ATG9A: variants seen among roughly 807,000 people sequenced by gnomAD.
ATG9A encodes autophagy-related protein 9A.
Under a neutral mutation model 87.1 loss-of-function variants are expected in ATG9A, and 21 were observed. The observed-to-expected ratio is 0.24, with a 90% CI of 0.17 to 0.35. The LOEUF (loss-of-function observed/expected upper bound fraction) is 0.35. Ranked by LOEUF, ATG9A falls within the 10% of genes least tolerant of loss-of-function variation. The probability of loss-of-function intolerance (pLI) is 1.00; values close to 1 mark genes in which losing one functional copy is unlikely to be tolerated. For synonymous variants in ATG9A, 422 were observed against 441.3 expected (o/e 0.96, Z 0.55); for missense variants, 836 against 1,107.3 (o/e 0.76, Z 3.48).
At chr2:219,227,461 G>A (rs12469377) in intron 4 of ATG9A, among the ~76,000 whole-genome samples, 4,290 of 152,152 alleles carry the variant, frequency 0.028, 209 homozygotes, top group African/African-American at 0.098. Flanking sequence ...AGGTTGCAGT[G>A]TGTTGAGATC....
intron 15 of ATG9A, 91 bp downstream of exon 15, chr2:219,220,656 G>C: frequency 6.5e-7 from 1 of 1,527,976 alleles, no homozygotes; most frequent in Non-Finnish European, 8.9e-7. Context: ...CTGTGTGGGG[G>C]TGGGGCATAT....
chr2:219,224,100 G>C lies in ATG9A; in HGVS notation c.1265+6C>G. On this transcript the variant is annotated splice_donor_region_variant and intron_variant, in intron 8 of 15. Coordinates refer to ENST00000361242, the MANE Select transcript of ATG9A (RefSeq NM_001077198.3). This position sits in a 1 kb window ranked among gnomAD's most constrained non-coding sequence, Gnocchi z 7.7. ...CGGCTTGCTCCCGCCTGTGGCCCTG[G>C]CCCACCTGCACACGGTCACGGTGAC... The C allele has an allele frequency of 6.2e-7, 1 of 1,611,326 alleles. No individual in the cohort carries two copies. The highest frequency in any genetic ancestry group is 1.7e-4 in the Middle Eastern group (1 of 6,050).
intron 15 of ATG9A, 144 bp from the exon 16 acceptor site, chr2:219,220,596 A>G: frequency 2.0e-6 from 3 of 1,481,200 alleles, no homozygotes; most frequent in Non-Finnish European, 2.8e-6. Context: ...CCTGCAGAGC[A>G]GTTGAGAAAA....
chr2:219,222,951 C>T lies in ATG9A; in HGVS notation c.1600-58G>A. On this transcript the variant is annotated intron_variant, in intron 10 of 15. Coordinates refer to ENST00000361242, the MANE Select transcript of ATG9A (RefSeq NM_001077198.3). The surrounding 1 kb of genome is among the most constrained non-coding windows in gnomAD (Gnocchi z 4.3). ...TTCTCTTCCAGGAGCCTTCCTGCAC[C>T]TTTCCTGTTAGTGGGGAGGCCTTAC... 3 of 1,599,106 alleles carry T rather than the reference C, an allele frequency of 1.9e-6. No homozygotes were observed. Among genetic ancestry groups the T allele is most frequent in the Non-Finnish European group, 2.6e-6 (3 of 1,172,726 alleles).
Position 219,222,580 on chromosome 2 carries a change from G to A in ATG9A, c.1848+65C>T, listed in dbSNP as rs751711740. ...GCAGGAAGCCTTCCACCCCATGCCC[G>A]GTCCCTCAACTCCCAGCTCCTGAAG... is the stretch of plus-strand genomic sequence containing the variant. On this transcript the variant is annotated intron_variant, in intron 11 of 15. Transcript: ENST00000361242. The surrounding 1 kb of genome is among the most constrained non-coding windows in gnomAD (Gnocchi z 4.3). 2.3e-5 allele frequency: 37 copies of A among 1,602,056 alleles called. No homozygotes were observed. Among genetic ancestry groups the A allele is most frequent in the Admixed American group, 1.0e-4 (6 of 59,654 alleles).
intron 2 of ATG9A, 94 bp from the exon 3 acceptor site, chr2:219,228,147 G>GCTTT: frequency 1.2e-6 from 1 of 844,946 alleles, no homozygotes; most frequent in Non-Finnish European, 1.8e-6. Context: ...GTACCCTTGG[G>GCTTT]CTTTGTCCAC....
At position 219,222,299 on chromosome 2, in the gene ATG9A, C is replaced by T. The variant is rs576908856; in HGVS notation, c.2000G>A (p.Arg667Gln). 121 of 1,613,430 alleles carry T rather than the reference C, an allele frequency of 7.5e-5. No homozygotes were observed. Among genetic ancestry groups the T allele is most frequent in the Middle Eastern group, 3.3e-4 (2 of 6,062 alleles). Residue 667 changes from arginine to glutamine, a missense_variant, in exon 12 of 16, where the codon CGG becomes CAG. This residue lies in a region of ATG9A where 324 missense variants were observed against 347.6 expected (regional missense o/e 0.93). Coordinates refer to ENST00000361242, the MANE Select transcript of ATG9A (RefSeq NM_001077198.3). This position sits in a 1 kb window ranked among gnomAD's most constrained non-coding sequence, Gnocchi z 4.3. ...AGAGCCTGTCATGGTGCTGTGAGCC[C>T]GGCCTGTGGGCGCCTGCCCGGGTTG... ...PLQPGQAPTG[R>Q]AHSTMTGSGV...
rs747748533 is a variant in ATG9A at position 219,227,751 on chromosome 2, T to G, written c.147+19A>C. On this transcript the variant is annotated intron_variant, in intron 4 of 15. Transcript: ENST00000361242. ...ACATTAAAGGTCCCAGAGCTCCAAC[T>G]CAGAAACACAAAGGATATTCGAGAG... is the stretch of plus-strand genomic sequence containing the variant. 5 of 1,613,476 alleles carry G rather than the reference T, an allele frequency of 3.1e-6. No individual in the cohort carries two copies. In the East Asian group the frequency reaches 1.1e-4, roughly 36 times the overall value.
At chr2:219,225,880 G>C (rs1444675815) in intron 5 of ATG9A, among the ~76,000 whole-genome samples, 1 of 152,204 alleles carries the variant, frequency 6.6e-6, no homozygotes, top group African/African-American at 2.4e-5. Context: ...TTCCTTTTGA[G>C]GTTGTAGTTA....
rs910985746 is a variant in ATG9A at position 219,223,242 on chromosome 2, C to T, written c.1599+343G>A. Among the ~76,000 whole-genome samples, 1 of 152,136 alleles carries T rather than the reference C, an allele frequency of 6.6e-6. No individual in the cohort carries two copies. Among genetic ancestry groups the T allele is most frequent in the African/African-American group, 2.4e-5 (1 of 41,426 alleles). On this transcript the variant is annotated intron_variant, in intron 10 of 15. Transcript: ENST00000361242. The surrounding 1 kb of genome is among the most constrained non-coding windows in gnomAD (Gnocchi z 4.7). ...AGCTGGGACTACAGGCGCCCGCTAC[C>T]ACGCCTGGCTAATTTTTTTGTATTT...
In ATG9A at chr2:219,223,034, C is replaced by G; in HGVS notation, c.1600-141G>C. The G allele has an allele frequency of 1.2e-5, 13 of 1,101,318 alleles. No individual in the cohort carries two copies. Among genetic ancestry groups the G allele is most frequent in the East Asian group, 2.6e-5 (1 of 38,838 alleles). 68.2% of individuals were successfully genotyped at this position (1,101,318 alleles called of 1,614,324 possible). A position where few individuals can be genotyped will look rare whatever the true frequency, so the allele number is the denominator to read the frequency against. On this transcript the variant is annotated intron_variant, in intron 10 of 15. Transcript: ENST00000361242. The surrounding 1 kb of genome is among the most constrained non-coding windows in gnomAD (Gnocchi z 4.7). ...ATCTTTCCCAGGGCACTGGTGCCCC[C>G]CCAGACCCAGGAGGGGCTGCACTGC...
chr2:219,227,418 G>A (rs139131951), intron 4 of ATG9A, among the ~76,000 whole-genome samples: 2,894 of 152,258 alleles, frequency 0.019, 30 homozygotes, highest in Non-Finnish European at 0.026. Flanking sequence ...GTGGGAGACT[G>A]AGGCAGGAGA....
Position 219,222,460 on chromosome 2 carries a change from A to C in ATG9A, c.1849-10T>G, listed in dbSNP as rs1318661361. The C allele has an allele frequency of 3.2e-6, 5 of 1,549,758 alleles. No individual in the cohort carries two copies. Among genetic ancestry groups the C allele is most frequent in the African/African-American group, 2.8e-5 (2 of 72,718 alleles). On this transcript the variant is annotated splice_polypyrimidine_tract_variant and intron_variant, in intron 11 of 15. Transcript: ENST00000361242. This position sits in a 1 kb window ranked among gnomAD's most constrained non-coding sequence, Gnocchi z 4.3. ...CGATAAGGCTCAGGGGCTATGAACG[A>C]AACGGGTAGGTAGAATTCTTGAGGC...
chr2:219,222,129 C>A lies in ATG9A; in HGVS notation c.2066G>T (p.Trp689Leu). 6.2e-7 allele frequency: 1 copy of A among 1,614,068 alleles called. No individual in the cohort carries two copies. The highest frequency in any genetic ancestry group is 8.5e-7 in the Non-Finnish European group (1 of 1,180,026). Reference sequence around the variant, plus strand: ...CACCAGGCTCTGCAGCTGTCCTTCCCACACGCTGCTCCCGGAGCTGGCTGT... The same window carrying A: ...CACCAGGCTCTGCAGCTGTCCTTCCAACACGCTGCTCCCGGAGCTGGCTGT... Reference protein sequence around the residue: ...ARTASSGSSVWEGQLQSLVLS... With the variant: ...ARTASSGSSVLEGQLQSLVLS... The change falls in exon 13 of 16, where the codon TGG (tryptophan) becomes TTG (leucine). Residue 689 changes from tryptophan to leucine, a missense_variant. Physicochemically the swap from Trp to Leu is moderately conservative, Grantham distance 61. Around this residue, in one of 2 missense-constraint regions of ATG9A, gnomAD observed 324 missense variants for 347.6 expected, o/e 0.93. Coordinates refer to ENST00000361242, the MANE Select transcript of ATG9A (RefSeq NM_001077198.3). The surrounding 1 kb of genome is among the most constrained non-coding windows in gnomAD (Gnocchi z 4.3).
rs774813674 is a variant in ATG9A, at chr2:219,223,772, G to T, written c.1420-8C>A. 74 of 1,613,286 alleles carry T rather than the reference G, an allele frequency of 4.6e-5. No homozygotes were observed. The highest frequency in any genetic ancestry group is 5.3e-5 in the Non-Finnish European group (62 of 1,179,684). Reference sequence around the variant, plus strand: ...CTCTTCCAAAATGAACACCTAAAAGGGCGGGACCAAGGTCACAAGCGAGCA... The same window carrying T: ...CTCTTCCAAAATGAACACCTAAAAGTGCGGGACCAAGGTCACAAGCGAGCA... On this transcript the variant is annotated splice_region_variant and splice_polypyrimidine_tract_variant and intron_variant, in intron 9 of 15. Coordinates refer to ENST00000361242, the MANE Select transcript of ATG9A (RefSeq NM_001077198.3). This position sits in a 1 kb window ranked among gnomAD's most constrained non-coding sequence, Gnocchi z 4.7.
At position 219,227,067 on chromosome 2, in the gene ATG9A, C is replaced by T. The variant is rs1188438758; in HGVS notation, c.148-134G>A. On this transcript the variant is annotated intron_variant, in intron 4 of 15. Coordinates refer to ENST00000361242, the MANE Select transcript of ATG9A (RefSeq NM_001077198.3). ...GACTTTACCAAGTTACTTAACCTGT[C>T]TAAACTTTTGTCTGTCCATGGTGGT... 4.1e-6 allele frequency: 3 copies of T among 738,574 alleles called. No homozygotes were observed. The Admixed American group carries it at 6.2e-5, about 15-fold the overall frequency. The allele number at this position is 738,574 out of a possible 1,614,324, so 45.8% of individuals were successfully genotyped here.
At position 219,229,375 on chromosome 2, in the gene ATG9A, CG is replaced by C. The variant is rs1469048862; in HGVS notation, c.-82+159del. ...CGGCGCCCGCGCGCGCCCCCGTCTG[CG>C]CGCGCCAGCAATCAAAACATTCCGG... On this transcript the variant is annotated intron_variant, in intron 1 of 15. Transcript: ENST00000361242. This position sits in a 1 kb window ranked among gnomAD's most constrained non-coding sequence, Gnocchi z 4.2. The C allele has an allele frequency of 6.6e-6, 1 of 151,656 alleles. No homozygotes were observed. Among genetic ancestry groups the C allele is most frequent in the Admixed American group, 6.6e-5 (1 of 15,260 alleles). The allele number at this position is 151,656 out of a possible 1,614,324, so 9.4% of individuals were successfully genotyped here. A position where few individuals can be genotyped will look rare whatever the true frequency, so the allele number is the denominator to read the frequency against.
chr2:219,221,474 A>T (rs2106436821), intron 13 of ATG9A, among the ~76,000 whole-genome samples, 172 bp from the exon 14 acceptor site: 1 of 152,268 alleles, frequency 6.6e-6, no homozygotes. Context: ...TACAGGTTAC[A>T]TTCACAGCAG....
chr2:219,228,948 C>T (rs1950935265), intron 1 of ATG9A: 1 of 152,214 alleles, frequency 6.6e-6, no homozygotes, highest in Non-Finnish European at 1.5e-5. Flanking sequence ...GACCCCCGAT[C>T]CTAGGTGAAT....
Sources: allele counts gnomAD v4.1 joint callset (sites outside exome capture counted in the v4.1 genomes callset), GRCh38; gene constraint gnomAD v4.1.1; regional missense constraint gnomAD v4.1.1; non-coding constraint Gnocchi (gnomAD v3.1); transcripts MANE v1.5; gene names NCBI Gene and HGNC (gene_info 2026-07-23, HGNC 2026-07-21).